The following PPP6R2 variants were observed in gnomAD, a reference collection of about 807,000 sequenced individuals.
The protein encoded by PPP6R2 is serine/threonine-protein phosphatase 6 regulatory subunit 2.
In PPP6R2, 62 loss-of-function variants were observed where a neutral mutation model predicts 100.2. That is an observed-to-expected ratio of 0.62 (90% confidence interval 0.50 to 0.76). The LOEUF (loss-of-function observed/expected upper bound fraction) is 0.76, where lower values mean the gene tolerates loss of function less well. PPP6R2 is among the 30% of genes least tolerant of loss of function. PPP6R2 has a pLI of 0.00. For synonymous variants in PPP6R2, 525 were observed against 514.7 expected (o/e 1.02, Z -0.27); for missense variants, 1,142 against 1,276.3 (o/e 0.89, Z 1.60).
At chr22:50,367,536 C>T (rs750144373) in intron 1 of PPP6R2, among the ~76,000 whole-genome samples, 10 of 151,952 alleles carry the variant, frequency 6.6e-5, no homozygotes, top group African/African-American at 9.7e-5. Context: ...TGGAGCTGCC[C>T]GTCTCTCCTA....
At chr22:50,394,260 A>G in intron 3 of PPP6R2, 125 bp downstream of exon 3, 1 of 1,424,726 alleles carries the variant, frequency 7.0e-7, no homozygotes, top group African/African-American at 1.4e-5. Flanking sequence ...AATCCACCCC[A>G]TGTGAGAAGT....
intron 2 of PPP6R2, among the ~76,000 whole-genome samples, chr22:50,383,220 A>G (rs1385940522): frequency 1.3e-5 from 2 of 152,144 alleles, no homozygotes; most frequent in Admixed American, 1.3e-4. Context: ...CCATGTGTCA[A>G]AGATCTTGTT....
chr22:50,407,412 G>A (rs1164073137), intron 4 of PPP6R2: 1 of 159,350 alleles, frequency 6.3e-6, no homozygotes, highest in African/African-American at 2.4e-5. Context: ...ATCCCTGGGA[G>A]CTGCACAGTG....
upstream of PPP6R2, among the ~76,000 whole-genome samples, chr22:50,339,196 T>C (rs1487284936): frequency 3.4e-5 from 5 of 145,808 alleles, no homozygotes; most frequent in African/African-American, 5.1e-5. Flanking sequence ...ATGTAGTGTG[T>C]GTTGTATGTG....
chr22:50,436,432 C>A lies in PPP6R2; in HGVS notation c.1582C>A (p.Arg528Ser). 1 of 1,592,608 alleles carries A rather than the reference C, an allele frequency of 6.3e-7. No homozygotes were observed. The highest frequency in any genetic ancestry group is 1.1e-5 in the South Asian group (1 of 87,250). ...FVEETLTETN[R>S]RNTVDLVSTH... is the part of the protein sequence containing the mutation. ...GGAGGAGACGCTGACGGAGACGAAC[C>A]GCAGGAACACTGTGGACCTGGTGAG... The change falls in exon 14 of 24, where the codon CGC becomes AGC. Residue 528 changes from arginine to serine, a missense_variant. By Grantham distance (110) the Arg-to-Ser change is moderately radical (BLOSUM62 -1). Coordinates refer to ENST00000612753, the MANE Select transcript of PPP6R2 (RefSeq NM_001242898.2).
chr22:50,393,963 A>G lies in PPP6R2; in HGVS notation c.55A>G (p.Lys19Glu). 1.9e-6 allele frequency: 3 copies of G among 1,614,230 alleles called. No homozygotes were observed. The highest frequency in any genetic ancestry group is 2.5e-6 in the Non-Finnish European group (3 of 1,180,040). ...GTCCCATGTTGACAAGCTGCTGGAC[A>G]AGGAGCATGTGACGCTGCAGGAGTT... is the stretch of plus-strand genomic sequence containing the variant. ...TTSHVDKLLD[K>E]EHVTLQELMD... Residue 19 changes from lysine to glutamate, a missense_variant, in exon 3 of 24, where the codon AAG becomes GAG. By Grantham distance (56) the Lys-to-Glu change is moderately conservative. Transcript: ENST00000612753.
rs1260578196 is a variant in PPP6R2, at chr22:50,444,501, CA to C, written c.*256del. ...AGCCGCCCCCAAGCCCAGAGCACAGCAATAAGGTCGGCCTGCAGGAGCCGGG... is the reference window on the plus strand; with the variant it reads ...AGCCGCCCCCAAGCCCAGAGCACAGCATAAGGTCGGCCTGCAGGAGCCGGG... On this transcript the variant is annotated 3_prime_UTR_variant, in exon 24 of 24. Transcript: ENST00000612753. 2 of 251,952 alleles carry C rather than the reference CA, an allele frequency of 7.9e-6. No individual in the cohort carries two copies. Among genetic ancestry groups the C allele is most frequent in the East Asian group, 2.9e-4 (2 of 6,800 alleles). The allele number at this position is 251,952 out of a possible 1,614,324, so 15.6% of individuals were successfully genotyped here.
At chr22:50,379,796 C>T (rs2052470600) in intron 2 of PPP6R2, among the ~76,000 whole-genome samples, 1 of 152,026 alleles carries the variant, frequency 6.6e-6, no homozygotes, top group African/African-American at 2.4e-5. Context: ...GGGAGGATCA[C>T]GTGAGCCTTG....
Position 50,393,903 on chromosome 22 carries a change from G to A in PPP6R2, c.-6G>A, listed in dbSNP as rs746710810. The A allele has an allele frequency of 1.7e-5, 28 of 1,614,062 alleles. No homozygotes were observed. The Admixed American group carries it at 2.0e-4, about 12-fold the overall frequency. On this transcript the variant is annotated 5_prime_UTR_variant, in exon 3 of 24. Coordinates refer to ENST00000612753, the MANE Select transcript of PPP6R2 (RefSeq NM_001242898.2). ...TGCCCTCGTTTGCAGCTCTGCGGCC[G>A]TCACGATGTTCTGGAAGTTTGACTT... is the stretch of plus-strand genomic sequence containing the variant.
At chr22:50,404,237 G>A (rs2058491680) in intron 3 of PPP6R2, among the ~76,000 whole-genome samples, 2 of 151,584 alleles carry the variant, frequency 1.3e-5, no homozygotes, top group Admixed American at 1.3e-4. Context: ...TGGCATTACA[G>A]GCGCCCACCA....
At chr22:50,438,024 G>A (rs1174606078) in intron 17 of PPP6R2, 124 bp downstream of exon 17, 1 of 1,496,018 alleles carries the variant, frequency 6.7e-7, no homozygotes, top group Middle Eastern at 1.8e-4. Flanking sequence ...GTGGAGCTCG[G>A]AACAGTCGCT....
At position 50,402,020 on chromosome 22, in the gene PPP6R2, A is replaced by G. The variant is rs1305510095; in HGVS notation, c.228-4669A>G. Among the ~76,000 whole-genome samples the G allele has an allele frequency of 2.6e-5, 4 of 152,174 alleles. No homozygotes were observed. In the East Asian group the frequency reaches 7.7e-4, roughly 29 times the overall value. On this transcript the variant is annotated intron_variant, in intron 3 of 23. Transcript: ENST00000612753. The stretch of plus-strand genomic sequence containing the variant: ...TCTCATTCATGGATACACAGTCTTA[A>G]TGTGTCATCTCTGAGAACATTGTAG...
At position 50,439,691 on chromosome 22, in the gene PPP6R2, C is replaced by G. The variant is rs1404695129; in HGVS notation, c.2129-10C>G. The stretch of plus-strand genomic sequence containing the variant: ...GCCCACGCCTGACCACTGTGTCTCT[C>G]CCCCAGCAGGCGCCATGTGGACGGC... On this transcript the variant is annotated splice_polypyrimidine_tract_variant and intron_variant, in intron 19 of 23. Coordinates refer to ENST00000612753, the MANE Select transcript of PPP6R2 (RefSeq NM_001242898.2). 6.4e-7 allele frequency: 1 copy of G among 1,569,782 alleles called. No homozygotes were observed. The highest frequency in any genetic ancestry group is 2.3e-5 in the East Asian group (1 of 42,718).
chr22:50,381,261 C>G (rs936224292), intron 2 of PPP6R2, among the ~76,000 whole-genome samples: 5 of 110,940 alleles, frequency 4.5e-5, no homozygotes, highest in African/African-American at 7.2e-5. Context: ...CAGCATCACA[C>G]GGGCCTCACC....
At chr22:50,421,283 G>GA (rs1381554414) in intron 8 of PPP6R2, among the ~76,000 whole-genome samples, 1 of 152,206 alleles carries the variant, frequency 6.6e-6, no homozygotes, top group African/African-American at 2.4e-5. Flanking sequence ...TGATAGAGGG[G>GA]ACTGTGTAAA....
At chr22:50,365,069 CTTTTTTTTTT>C (rs753699499) in intron 1 of PPP6R2, among the ~76,000 whole-genome samples, 38 of 128,432 alleles carry the variant, frequency 3.0e-4, no homozygotes, top group African/African-American at 1.1e-3. Context: ...ATATGAGATA[CTTTTTTTTTT>C]TTTTTTTTTG....
intron 3 of PPP6R2, among the ~76,000 whole-genome samples, chr22:50,405,521 GAGAGGCCTGGAGAGAGGTA>G (rs1245032608): frequency 1.8e-4 from 25 of 139,542 alleles, no homozygotes; most frequent in African/African-American, 6.3e-4. Context: ...GGAGAGAGGT[GAGAGGCCTGGAGAGAGGTA>G]AGAGGCCTGG....
intron 4 of PPP6R2, among the ~76,000 whole-genome samples, chr22:50,411,683 G>T (rs2059759204): frequency 6.6e-6 from 1 of 152,122 alleles, no homozygotes; most frequent in Non-Finnish European, 1.5e-5. Context: ...GAACCCGAGG[G>T]TGGAGGTTGC....
intron 1 of PPP6R2, among the ~76,000 whole-genome samples, chr22:50,346,697 G>T (rs1435083277): frequency 1.5e-5 from 2 of 133,536 alleles, no homozygotes; most frequent in African/African-American, 5.9e-5. Flanking sequence ...CAGTGCCTCC[G>T]CATCTGTCAG....
Sources: allele counts gnomAD v4.1 joint callset (sites outside exome capture counted in the v4.1 genomes callset), GRCh38; gene constraint gnomAD v4.1.1; transcripts MANE v1.5; gene names NCBI Gene and HGNC (gene_info 2026-07-23, HGNC 2026-07-21).